The following IARS1 variants were observed in gnomAD, a reference collection of about 807,000 sequenced individuals.
The protein encoded by IARS1 is isoleucine--tRNA ligase, cytoplasmic.
A neutral mutation model predicts 168.2 loss-of-function variants in IARS1; 124 were observed. That is an observed-to-expected ratio of 0.74 (90% CI 0.64 to 0.86). IARS1 has a LOEUF of 0.86. Among genes scored for constraint, IARS1 ranks in the 40% least tolerant of loss-of-function variants. The pLI is 0.00. For missense variants in IARS1, 1,452 were observed against 1,515.8 expected (o/e 0.96, Z 0.70); for synonymous variants, 532 against 529.4 (o/e 1.00, Z -0.07).
At chr9:92,238,449 T>C (rs549014122) in intron 30 of IARS1, among the ~76,000 whole-genome samples, 1 of 152,312 alleles carries the variant, frequency 6.6e-6, no homozygotes, top group African/African-American at 2.4e-5. Context: ...GGCTTCTATC[T>C]TGCTCCCTCT....
At chr9:92,278,496 G>C (rs1171950805) in intron 7 of IARS1, among the ~76,000 whole-genome samples, 1 of 152,156 alleles carries the variant, frequency 6.6e-6, no homozygotes, top group Non-Finnish European at 1.5e-5. Flanking sequence ...CACTTAGGCA[G>C]TTGGTAGTTA....
At chr9:92,243,059 T>A in intron 28 of IARS1, 157 bp downstream of exon 28, 1 of 557,792 alleles carries the variant, frequency 1.8e-6, no homozygotes, top group Non-Finnish European at 3.3e-6. Context: ...GGAAGAGGAG[T>A]GACTTTTCTG....
chr9:92,214,879 A>T (rs1357528103), intron 33 of IARS1, among the ~76,000 whole-genome samples: 3 of 152,244 alleles, frequency 2.0e-5, no homozygotes, highest in Admixed American at 2.0e-4. Context: ...TTGCTTAGGT[A>T]AACAAAGCAG....
chr9:92,253,551 T>C, intron 20 of IARS1, 98 bp from the exon 21 acceptor site: 1 of 723,614 alleles, frequency 1.4e-6, no homozygotes, highest in Non-Finnish European at 2.5e-6. Flanking sequence ...GCTCCTTCCA[T>C]CCAAGTGCCT....
intron 31 of IARS1, among the ~76,000 whole-genome samples, chr9:92,225,491 A>G (rs1234373271): frequency 5.3e-5 from 8 of 152,314 alleles, no homozygotes; most frequent in African/African-American, 1.9e-4. Flanking sequence ...CATCACCCAA[A>G]GAAGGATAAG....
chr9:92,265,403 G>A, intron 15 of IARS1, 77 bp downstream of exon 15: 1 of 1,279,708 alleles, frequency 7.8e-7, no homozygotes, highest in South Asian at 1.2e-5. Context: ...TCCATGTGTG[G>A]CTCTGTAATC....
chr9:92,230,690 C>T (rs995787493), intron 30 of IARS1, among the ~76,000 whole-genome samples: 4 of 152,128 alleles, frequency 2.6e-5, no homozygotes, highest in East Asian at 1.9e-4. Flanking sequence ...CTGATACTGC[C>T]GAACTATTTT....
At chr9:92,223,064 C>T (rs939073592) in intron 32 of IARS1, among the ~76,000 whole-genome samples, 9 of 152,028 alleles carry the variant, frequency 5.9e-5, no homozygotes, top group African/African-American at 2.2e-4. Flanking sequence ...CATTTTTCCT[C>T]AGAAAAGAAA....
chr9:92,223,799 T>G (rs1206421842), intron 31 of IARS1, among the ~76,000 whole-genome samples: 1 of 152,220 alleles, frequency 6.6e-6, no homozygotes, highest in African/African-American at 2.4e-5. Context: ...TATCAGAATC[T>G]CAAGCTTCAC....
intron 23 of IARS1, 58 bp from the exon 24 acceptor site, chr9:92,250,347 G>A (rs905968690): frequency 9.2e-7 from 1 of 1,083,596 alleles, no homozygotes. Flanking sequence ...AAAATTGAAG[G>A]CACTAGGCAT....
In IARS1 at chr9:92,251,789, A is replaced by G; in HGVS notation, c.2307+19T>C. On this transcript the variant is annotated intron_variant, in intron 22 of 33. Coordinates refer to ENST00000443024, the MANE Select transcript of IARS1 (RefSeq NM_002161.6). ...AGCCCATAGGCCAAAGGGTACTAGA[A>G]AGAAGCCAATCATCTTACCATAAGT... 2 of 1,604,114 alleles carry G rather than the reference A, an allele frequency of 1.2e-6. No homozygotes were observed. Among genetic ancestry groups the G allele is most frequent in the Non-Finnish European group, 8.5e-7 (1 of 1,171,052 alleles).
At chr9:92,244,204 C>T (rs565437740) in intron 27 of IARS1, among the ~76,000 whole-genome samples, 10 of 152,346 alleles carry the variant, frequency 6.6e-5, no homozygotes, top group Admixed American at 6.5e-4. Flanking sequence ...GAACTGCCCA[C>T]TGTCAGTGTT....
intron 16 of IARS1, 21 bp downstream of exon 16, chr9:92,264,908 T>C (rs1222979544): frequency 1.9e-6 from 3 of 1,591,074 alleles, no homozygotes; most frequent in Non-Finnish European, 2.6e-6. Context: ...AAACACGTGA[T>C]GAAAGAACAA....
chr9:92,282,509 G>A (rs1564187496), intron 6 of IARS1, among the ~76,000 whole-genome samples: 1 of 152,004 alleles, frequency 6.6e-6, no homozygotes, highest in Non-Finnish European at 1.5e-5. Flanking sequence ...GGTGGCTCAT[G>A]CCTATAATCC....
chr9:92,250,658 TG>T lies in IARS1; in HGVS notation c.2429+54del, dbSNP rs1464970916. The T allele has an allele frequency of 2.0e-6, 3 of 1,494,358 alleles. No homozygotes were observed. In the African/African-American group the frequency reaches 4.1e-5, roughly 21 times the overall value. The allele number at this position is 1,494,358 out of a possible 1,614,324, so 92.6% of individuals were successfully genotyped here. On this transcript the variant is annotated intron_variant, in intron 23 of 33. Coordinates refer to ENST00000443024, the MANE Select transcript of IARS1 (RefSeq NM_002161.6). ...AAATCCCTCCTCTTCCCCACATGCTTGAGCAACTCTCCCCTCCTTGGCACAG... is the reference window on the plus strand; with the variant it reads ...AAATCCCTCCTCTTCCCCACATGCTTAGCAACTCTCCCCTCCTTGGCACAG...
chr9:92,212,812 G>A (rs1837976020), intron 33 of IARS1, among the ~76,000 whole-genome samples: 1 of 152,136 alleles, frequency 6.6e-6, no homozygotes, highest in East Asian at 1.9e-4. Context: ...AGCAAGACAG[G>A]GAAGGCCCAG....
chr9:92,290,131 C>G (rs1836082714), intron 1 of IARS1, among the ~76,000 whole-genome samples: 1 of 152,100 alleles, frequency 6.6e-6, no homozygotes. Context: ...GAGAAAATGC[C>G]AAAATTTTTC....
chr9:92,242,105 AC>A (rs1294994374), intron 29 of IARS1, 48 bp downstream of exon 29: 1 of 1,449,428 alleles, frequency 6.9e-7, no homozygotes, highest in South Asian at 1.2e-5. Flanking sequence ...ACAAAGTCAA[AC>A]CTAATCTGAA....
chr9:92,283,499 C>G lies in IARS1; in HGVS notation c.597+2223G>C, dbSNP rs992201884. On this transcript the variant is annotated intron_variant, in intron 6 of 33. Transcript: ENST00000443024. ...TCTCTACTAAAAATACAAAACTTAG[C>G]TGGGCATGCTGGCGGGCACCCGTAA... Among the ~76,000 whole-genome samples the G allele has an allele frequency of 3.9e-5, 6 of 152,238 alleles. No individual in the cohort carries two copies. In the East Asian group the frequency reaches 1.2e-3, roughly 29 times the overall value.
Sources: gnomAD v4.1 joint callset for allele counts (sites outside exome capture counted in the v4.1 genomes callset) on GRCh38, gnomAD v4.1.1 for gene constraint, MANE v1.5 for transcripts, NCBI Gene and HGNC (gene_info 2026-07-23, HGNC 2026-07-21) for gene names.